Variants in DCBLD2 observed in about 807,000 individuals in gnomAD.
DCBLD2 encodes discoidin, CUB and LCCL domain-containing protein 2.
DCBLD2 carries 54 observed loss-of-function variants against 86.8 expected under a neutral mutation model. The observed-to-expected ratio is 0.62, with a 90% CI of 0.50 to 0.78. The LOEUF (loss-of-function observed/expected upper bound fraction) is 0.78. Ranked by LOEUF, DCBLD2 falls within the 30% of genes least tolerant of loss-of-function variation. The pLI, the probability that DCBLD2 is intolerant of heterozygous loss-of-function variation, is 0.00. For missense variants in DCBLD2, 908 were observed against 954.2 expected, an observed-to-expected ratio of 0.95 and a Z score of 0.64; for synonymous variants, 354 against 341.3, an observed-to-expected ratio of 1.04 and a Z score of -0.41.
At chr3:98,836,669 G>A (rs1424167185) in intron 3 of DCBLD2, among the ~76,000 whole-genome samples, 90 of 114,362 alleles carry the variant, frequency 7.9e-4, no homozygotes, top group African/African-American at 1.3e-3. Flanking sequence ...CAGTAGGGGC[G>A]GCCGGGCAGA....
At chr3:98,864,155 T>A (rs889920006) in intron 2 of DCBLD2, among the ~76,000 whole-genome samples, 1 of 152,220 alleles carries the variant, frequency 6.6e-6, no homozygotes, top group African/African-American at 2.4e-5. Flanking sequence ...CACAATGAGA[T>A]ACCACCTCAC....
chr3:98,822,202 A>AT (rs759427598), intron 6 of DCBLD2, 26 bp downstream of exon 6: 2 of 1,612,242 alleles, frequency 1.2e-6, no homozygotes, highest in Non-Finnish European at 1.7e-6. Flanking sequence ...TATAGCATAT[A>AT]TTTTTTAAAT....
rs145853283 is a variant in DCBLD2 at position 98,865,788 on chromosome 3, A to C, written c.433+15752T>G. Among the ~76,000 whole-genome samples, 1,059 of 152,146 alleles carry C rather than the reference A, an allele frequency of 7.0e-3. 8 individuals carry two copies. The highest frequency in any genetic ancestry group is 0.019 in the African/African-American group (792 of 41,518). The stretch of plus-strand genomic sequence containing the variant: ...TGCAGGTGACATATGTATACATGTG[A>C]CACGCTGGTGTGCTGCACCCATTAA... On this transcript the variant is annotated intron_variant, in intron 2 of 15. Transcript: ENST00000326840.
Position 98,865,705 on chromosome 3 carries a change from T to C in DCBLD2, c.433+15835A>G, listed in dbSNP as rs72936644. Among the ~76,000 whole-genome samples the C allele has an allele frequency of 7.2e-3, 965 of 134,478 alleles. 10 individuals are homozygous for C. Among genetic ancestry groups the C allele is most frequent in the African/African-American group, 0.025 (910 of 36,290 alleles). 88.2% of individuals were successfully genotyped at this position (134,478 alleles called of 152,430 possible). ...AATGTACAGCATATATACAATTTTC[T>C]TTTTTTATATATATATTTTGTATTA... On this transcript the variant is annotated intron_variant, in intron 2 of 15. Coordinates refer to ENST00000326840, the MANE Select transcript of DCBLD2 (RefSeq NM_080927.4).
intron 3 of DCBLD2, among the ~76,000 whole-genome samples, chr3:98,839,204 C>CTTTCT (rs1553727080): frequency 2.7e-3 from 360 of 131,360 alleles, no homozygotes; most frequent in African/African-American, 0.011. Flanking sequence ...TCCTTCCTTC[C>CTTTCT]TTCTTTCTTT....
At chr3:98,881,000 T>C (rs1464648520) in intron 2 of DCBLD2, among the ~76,000 whole-genome samples, 3 of 151,960 alleles carry the variant, frequency 2.0e-5, no homozygotes, top group Non-Finnish European at 4.4e-5. Context: ...TCCCAGCACT[T>C]TGGGAGGCTG....
chr3:98,865,227 G>A (rs867100751), intron 2 of DCBLD2, among the ~76,000 whole-genome samples: 2 of 152,042 alleles, frequency 1.3e-5, no homozygotes, highest in Middle Eastern at 3.4e-3. Context: ...TCCATCAGTA[G>A]ATGAATGGAT....
intron 2 of DCBLD2, among the ~76,000 whole-genome samples, chr3:98,874,778 C>T (rs1040570937): frequency 5.9e-5 from 9 of 152,200 alleles, no homozygotes; most frequent in African/African-American, 1.9e-4. Context: ...TCTCTCTCCT[C>T]ATCCCTCCAA....
intron 14 of DCBLD2, 140 bp downstream of exon 14, chr3:98,801,460 G>A: frequency 1.8e-6 from 1 of 548,492 alleles, no homozygotes; most frequent in South Asian, 3.5e-5. Flanking sequence ...AAAATGGTGA[G>A]AACTGAAGAG....
In DCBLD2 at chr3:98,796,252, A is replaced by ACAAAAAC. The variant is rs397774026; in HGVS notation, c.*3119_*3120insGTTTTTG. 1.3e-5 allele frequency: 2 copies of ACAAAAAC among 151,830 alleles called. No individual in the cohort carries two copies. Among genetic ancestry groups the ACAAAAAC allele is most frequent in the South Asian group, 2.1e-4 (1 of 4,770 alleles). 9.4% of individuals were successfully genotyped at this position (151,830 alleles called of 1,614,324 possible). ...TTCCCAGTGCCACACACACACACAC[A>ACAAAAAC]AAAACAAAACAAAACAAAAAAAAAC... On this transcript the variant is annotated 3_prime_UTR_variant, in exon 16 of 16. Coordinates refer to ENST00000326840, the MANE Select transcript of DCBLD2 (RefSeq NM_080927.4).
intron 9 of DCBLD2, chr3:98,812,698 T>C (rs1941958832): frequency 2.4e-6 from 1 of 423,020 alleles, no homozygotes; most frequent in Non-Finnish European, 4.2e-6. Flanking sequence ...AAATATTTAA[T>C]ATAGAAATGA....
intron 2 of DCBLD2, among the ~76,000 whole-genome samples, chr3:98,866,458 C>A (rs1465436447): frequency 6.6e-6 from 1 of 152,096 alleles, no homozygotes; most frequent in African/African-American, 2.4e-5. Context: ...CTCTGATGGC[C>A]AGTGATGATG....
At chr3:98,835,464 T>C (rs1487046815) in intron 3 of DCBLD2, among the ~76,000 whole-genome samples, 69 of 139,238 alleles carry the variant, frequency 5.0e-4, no homozygotes, top group African/African-American at 1.6e-3. Context: ...CATTTAATTA[T>C]TCTTCACTCA....
rs765541850 is a variant in DCBLD2 at position 98,808,105 on chromosome 3, A to G, written c.1646T>C (p.Val549Ala). 5.6e-6 allele frequency: 9 copies of G among 1,605,166 alleles called. No homozygotes were observed. The East Asian group carries it at 6.8e-5, about 12-fold the overall frequency. ...MVLTTLILIL[V>A]CAWHWRNRKK... ...CCTGTTTCTCCAGTGCCAAGCACAC[A>G]CTAATATGAGAATGAGAGTAGTGAG... Residue 549 changes from valine to alanine, a missense_variant, in exon 13 of 16, where the codon GTG (valine) becomes GCG (alanine). Val to Ala is a moderately conservative substitution (Grantham distance 64, BLOSUM62 0). Transcript: ENST00000326840.
chr3:98,853,197 C>T (rs183688446), intron 2 of DCBLD2, among the ~76,000 whole-genome samples: 113 of 152,280 alleles, frequency 7.4e-4, no homozygotes, highest in African/African-American at 2.6e-3. Context: ...CAAATTAGCC[C>T]ACAGGCCTCT....
chr3:98,888,115 TA>T (rs1943593454), intron 1 of DCBLD2, among the ~76,000 whole-genome samples: 1 of 152,040 alleles, frequency 6.6e-6, no homozygotes, highest in Non-Finnish European at 1.5e-5. Context: ...TTTCATTTAG[TA>T]GAATGTATTT....
chr3:98,853,544 T>G (rs547306868), intron 2 of DCBLD2, among the ~76,000 whole-genome samples: 1 of 152,222 alleles, frequency 6.6e-6, no homozygotes, highest in African/African-American at 2.4e-5. Context: ...GTCTAGACCC[T>G]GTTGGCAGTG....
chr3:98,820,132 G>A (rs1165117892), intron 7 of DCBLD2, 116 bp downstream of exon 7: 7 of 536,026 alleles, frequency 1.3e-5, no homozygotes, highest in African/African-American at 2.0e-5. Context: ...TTACCTCATA[G>A]TGTTATTAAG....
intron 4 of DCBLD2, among the ~76,000 whole-genome samples, chr3:98,823,941 C>T (rs376369824): frequency 3.9e-5 from 6 of 152,056 alleles, no homozygotes; most frequent in Non-Finnish European, 8.8e-5. Context: ...GGAAGTGAAG[C>T]CTCAGCAGTG....
Sources: gnomAD v4.1 joint callset for allele counts (sites outside exome capture counted in the v4.1 genomes callset) on GRCh38, gnomAD v4.1.1 for gene constraint, MANE v1.5 for transcripts, NCBI Gene and HGNC (gene_info 2026-07-23, HGNC 2026-07-21) for gene names.